The following DNAH2 variants were observed in gnomAD, a reference collection of about 807,000 sequenced individuals.
DNAH2 encodes the protein axonemal beta dynein heavy chain 2.
Under a neutral mutation model 523.5 loss-of-function variants are expected in DNAH2, and 323 were observed. That is an observed-to-expected ratio of 0.62 (90% CI 0.56 to 0.68). The LOEUF (loss-of-function observed/expected upper bound fraction) is 0.68. DNAH2 is among the 30% of genes least tolerant of loss of function. The pLI, the probability that DNAH2 is intolerant of heterozygous loss-of-function variation, is 0.00. For missense variants in DNAH2, 4,907 were observed against 5,701.5 expected (o/e 0.86, Z 4.49); for synonymous variants, 2,093 against 2,177.4 (o/e 0.96, Z 1.08).
At position 7,757,231 on chromosome 17, in the gene DNAH2, A is replaced by G. The variant is rs199697990; in HGVS notation, c.2045A>G (p.Tyr682Cys). 7 of 1,614,090 alleles carry G rather than the reference A, an allele frequency of 4.3e-6. No homozygotes were observed. The highest frequency in any genetic ancestry group is 2.2e-5 in the South Asian group (2 of 91,078). ...AATCTGCTACTCGTTGCTAGAGACT[A>G]CAATAGGTAGGGCTTCAGTCCTCAC... ...RENLLLVARD[Y>C]NRIIAMLSPD... The change falls in exon 13 of 86, where the codon TAC (tyrosine) becomes TGC (cysteine). Residue 682 changes from tyrosine to cysteine, a missense_variant. Physicochemically the swap from Tyr to Cys is radical, Grantham distance 194 (BLOSUM62 -2). Transcript: ENST00000572933.
intron 63 of DNAH2, among the ~76,000 whole-genome samples, chr17:7,812,011 G>T (rs572023887): frequency 1.7e-4 from 26 of 152,228 alleles, no homozygotes; most frequent in Middle Eastern, 3.4e-3. Flanking sequence ...ATAAAATTAC[G>T]TTGCCAAAAA....
chr17:7,760,017 G>A lies in DNAH2; in HGVS notation c.2785+79G>A, dbSNP rs539108929. The A allele has an allele frequency of 2.5e-6, 4 of 1,598,648 alleles. No individual in the cohort carries two copies. The African/African-American group carries it at 5.4e-5, about 21-fold the overall frequency. ...GGGCCAGGCCAGGAGGAGAGACCAGGGCTATTTCCAGGCATACTGGGCCAG... is the reference window on the plus strand; with the variant it reads ...GGGCCAGGCCAGGAGGAGAGACCAGAGCTATTTCCAGGCATACTGGGCCAG... On this transcript the variant is annotated intron_variant, in intron 17 of 85. Transcript: ENST00000572933. This position sits in a 1 kb window ranked among gnomAD's most constrained non-coding sequence, Gnocchi z 4.0.
In DNAH2 at chr17:7,817,373, C is replaced by T; in HGVS notation, c.9978C>T (p.Thr3326=). ...AFLSYMGPFL[T]NYRDEIVNQI... is the part of the protein sequence containing the mutation. ...TGTCCTACATGGGACCCTTCCTGAC[C>T]AACTACCGGGATGAGATTGTCAACC... Residue 3326 remains threonine, a synonymous_variant, in exon 65 of 86, where the codon ACC becomes ACT. Coordinates refer to ENST00000572933, the MANE Select transcript of DNAH2 (RefSeq NM_020877.5). The T allele has an allele frequency of 6.2e-7, 1 of 1,613,632 alleles. No individual in the cohort carries two copies. Among genetic ancestry groups the T allele is most frequent in the Non-Finnish European group, 8.5e-7 (1 of 1,179,916 alleles).
chr17:7,783,931 T>C (rs1302024326), intron 39 of DNAH2, among the ~76,000 whole-genome samples: 1 of 152,138 alleles, frequency 6.6e-6, no homozygotes, highest in Non-Finnish European at 1.5e-5. Flanking sequence ...TACTTTATAA[T>C]GTTTACAAGA....
Position 7,733,475 on chromosome 17 carries a change from C to CTTTTTTTTTTTTTTTTTTTTTTTTTTTTT in DNAH2, c.628+180_628+181insTTTTTTTTTTTTTTTTTTTTTTTTTTTTT, listed in dbSNP as rs1199721840. On this transcript the variant is annotated intron_variant, in intron 5 of 85. Transcript: ENST00000572933. Reference sequence around the variant, plus strand: ...AGGGTACAAGATCCGCCTTCTTCTTCTTTTTTTTTTTTTTTTTTTTGAGAT... The same window carrying CTTTTTTTTTTTTTTTTTTTTTTTTTTTTT: ...AGGGTACAAGATCCGCCTTCTTCTTCTTTTTTTTTTTTTTTTTTTTTTTTTTTTTTTTTTTTTTTTTTTTTTTTTGAGAT... Among the ~76,000 whole-genome samples, 38 of 113,860 alleles carry CTTTTTTTTTTTTTTTTTTTTTTTTTTTTT rather than the reference C, an allele frequency of 3.3e-4. 1 individual carries two copies. Among genetic ancestry groups the CTTTTTTTTTTTTTTTTTTTTTTTTTTTTT allele is most frequent in the Non-Finnish European group, 5.7e-4 (30 of 52,452 alleles). The allele number at this position is 113,860 out of a possible 152,430, so 74.7% of individuals were successfully genotyped here.
intron 12 of DNAH2, among the ~76,000 whole-genome samples, chr17:7,753,326 T>A (rs938056390): frequency 8.5e-5 from 13 of 152,126 alleles, no homozygotes; most frequent in Non-Finnish European, 1.5e-4. Flanking sequence ...TAGTAGACAG[T>A]TGCACAACGA....
At chr17:7,795,509 C>CA (rs955848910) in intron 49 of DNAH2, among the ~76,000 whole-genome samples, 47 of 151,106 alleles carry the variant, frequency 3.1e-4, no homozygotes, top group East Asian at 1.7e-3. Flanking sequence ...CCTGTCTCTA[C>CA]AAAAAAATAC....
At chr17:7,809,116 T>G (rs2077443230) in intron 63 of DNAH2, among the ~76,000 whole-genome samples, 1 of 152,186 alleles carries the variant, frequency 6.6e-6, no homozygotes, top group Admixed American at 6.6e-5. Context: ...GGTGCTATCT[T>G]CATATAGAAA....
Position 7,825,165 on chromosome 17 carries a change from C to G in DNAH2, c.11853+438C>G, listed in dbSNP as rs75136667. Among the ~76,000 whole-genome samples the G allele has an allele frequency of 5.1e-3, 778 of 152,308 alleles. 9 individuals are homozygous for G. Among genetic ancestry groups the G allele is most frequent in the East Asian group, 0.044 (227 of 5,186 alleles). On this transcript the variant is annotated intron_variant, in intron 77 of 85. Transcript: ENST00000572933. ...CTTACATCCTCTTCCGAATGTCACACTTCCTGCCTCTTTGCCTTTCCTTTC... is the reference window on the plus strand; with the variant it reads ...CTTACATCCTCTTCCGAATGTCACAGTTCCTGCCTCTTTGCCTTTCCTTTC...
In DNAH2 at chr17:7,764,020, G is replaced by A; in HGVS notation, c.3168G>A (p.Glu1056=). 1 of 1,614,206 alleles carries A rather than the reference G, an allele frequency of 6.2e-7. No homozygotes were observed. The highest frequency in any genetic ancestry group is 8.5e-7 in the Non-Finnish European group (1 of 1,180,032). The change falls in exon 19 of 86, where the codon GAG becomes GAA. Residue 1056 remains glutamate (E), a synonymous_variant. Coordinates refer to ENST00000572933, the MANE Select transcript of DNAH2 (RefSeq NM_020877.5). ...TGGAGCTGCACACCTACCTGAAGGA[G>A]AACGCAGAGAAGTGCGGGCTGGGGC... ...RLLELHTYLK[E]NAEKISRPPQ... is the part of the protein sequence containing the mutation.
chr17:7,740,755 C>A, intron 10 of DNAH2, 55 bp from the exon 11 acceptor site: 1 of 1,571,458 alleles, frequency 6.4e-7, no homozygotes, highest in South Asian at 1.2e-5. Context: ...GATGAGTGAC[C>A]GGAGGGAACC....
At chr17:7,774,736 T>G (rs779904536) in intron 28 of DNAH2, 23 bp from the exon 29 acceptor site, 1 of 1,604,588 alleles carries the variant, frequency 6.2e-7, no homozygotes, top group Non-Finnish European at 8.5e-7. Flanking sequence ...GAATCAAATG[T>G]CATTCATCGC....
chr17:7,733,771 C>G (rs923466743), intron 5 of DNAH2, among the ~76,000 whole-genome samples: 7 of 152,112 alleles, frequency 4.6e-5, no homozygotes, highest in Admixed American at 4.6e-4. Flanking sequence ...GCCACCACAC[C>G]CTGCCAAGAT....
Position 7,760,141 on chromosome 17 carries a change from G to C in DNAH2, c.2785+203G>C, listed in dbSNP as rs1017431115. On this transcript the variant is annotated intron_variant, in intron 17 of 85. Transcript: ENST00000572933. The surrounding 1 kb of genome is among the most constrained non-coding windows in gnomAD (Gnocchi z 4.0). ...CCAGCACTTTGGGAGGCTGAGGCAG[G>C]CAGGTCATTTGAGGTCAGGAGTTCG... 6.6e-6 allele frequency among the ~76,000 whole-genome samples: 1 copy of C among 152,208 alleles called. No homozygotes were observed.
At chr17:7,787,248 T>C in intron 42 of DNAH2, 3 of 647,106 alleles carry the variant, frequency 4.6e-6, no homozygotes, top group South Asian at 2.0e-5. Flanking sequence ...ACACCCTCTG[T>C]TGTAAGCACT....
At chr17:7,766,918 A>G (rs62059664) in intron 22 of DNAH2, among the ~76,000 whole-genome samples, 42,192 of 151,818 alleles carry the variant, frequency 0.28, 6,473 homozygotes, top group Non-Finnish European at 0.35. Flanking sequence ...CCAAAGTGCT[A>G]GGATTACAGG....
chr17:7,743,563 G>A, intron 12 of DNAH2: 1 of 575,696 alleles, frequency 1.7e-6, no homozygotes, highest in South Asian at 2.0e-5. Flanking sequence ...CTACTTGGGA[G>A]GGTGAGGTGG....
rs146661280 is a variant in DNAH2, at chr17:7,782,451, T to A, written c.6129+1284T>A. On this transcript the variant is annotated intron_variant, in intron 39 of 85. Coordinates refer to ENST00000572933, the MANE Select transcript of DNAH2 (RefSeq NM_020877.5). ...ATTTCAATATTAAGTAGTTCTAGGT[T>A]GTTAGTGCCCCCAGGTGACTGGAAG... 2.1e-4 allele frequency among the ~76,000 whole-genome samples: 32 copies of A among 152,320 alleles called. No individual in the cohort carries two copies. In the East Asian group the frequency reaches 6.0e-3, roughly 28 times the overall value.
chr17:7,775,874 T>A, intron 30 of DNAH2, 150 bp from the exon 31 acceptor site: 1 of 1,048,210 alleles, frequency 9.5e-7, no homozygotes. Context: ...TAGCCTCCAT[T>A]TCTCTCAGGA....
Sources: gnomAD v4.1 joint callset for allele counts (sites outside exome capture counted in the v4.1 genomes callset) on GRCh38, gnomAD v4.1.1 for gene constraint, Gnocchi (gnomAD v3.1) non-coding constraint, MANE v1.5 for transcripts, NCBI Gene and HGNC (gene_info 2026-07-23, HGNC 2026-07-21) for gene names.